ARHGEF28: variants seen among roughly 807,000 people sequenced by gnomAD.
ARHGEF28 encodes the protein 190 kDa guanine nucleotide exchange factor.
In ARHGEF28, 152 loss-of-function variants were observed where a neutral mutation model predicts 206.6. The observed-to-expected ratio is 0.74, with a 90% CI of 0.64 to 0.84. ARHGEF28 has a LOEUF of 0.84. Among genes scored for constraint, ARHGEF28 ranks in the 40% least tolerant of loss-of-function variants. The pLI, the probability that ARHGEF28 is intolerant of heterozygous loss-of-function variation, is 0.00. For missense variants in ARHGEF28, 2,028 were observed against 2,073.2 expected (o/e 0.98, Z 0.42); for synonymous variants, 763 against 776.4 (o/e 0.98, Z 0.29).
At position 73,920,573 on chromosome 5, in the gene ARHGEF28, G is replaced by A. The variant is rs1259813559; in HGVS notation, c.4948+8998G>A. ...TTTTTTTTTTTTTTTTTTTTGAGAC[G>A]GAGTCTCACTCTTTCGCCCAAGCTG... On this transcript the variant is annotated intron_variant, in intron 35 of 35. Coordinates refer to ENST00000513042, the MANE Select transcript of ARHGEF28 (RefSeq NM_001177693.2). Among the ~76,000 whole-genome samples, 59 of 115,298 alleles carry A rather than the reference G, an allele frequency of 5.1e-4. 1 individual carries two copies. In the East Asian group the frequency reaches 5.5e-3, roughly 11 times the overall value. 75.6% of individuals were successfully genotyped at this position (115,298 alleles called of 152,430 possible). A position where few individuals can be genotyped will look rare whatever the true frequency, so the allele number is the denominator to read the frequency against.
intron 1 of ARHGEF28, among the ~76,000 whole-genome samples, chr5:73,669,345 A>C (rs1746165022): frequency 6.6e-6 from 1 of 152,232 alleles, no homozygotes; most frequent in Admixed American, 6.5e-5. Context: ...CATACATTCT[A>C]GCATAATTTT....
At chr5:73,682,353 T>C (rs1269985697) in intron 1 of ARHGEF28, among the ~76,000 whole-genome samples, 1 of 152,134 alleles carries the variant, frequency 6.6e-6, no homozygotes, top group Non-Finnish European at 1.5e-5. Flanking sequence ...AATAGAACTT[T>C]TCATATTCAC....
intron 4 of ARHGEF28, among the ~76,000 whole-genome samples, chr5:73,753,750 G>T (rs954619833): frequency 6.6e-6 from 1 of 152,208 alleles, no homozygotes; most frequent in Non-Finnish European, 1.5e-5. Flanking sequence ...TGGAATCTGC[G>T]TGTGAACAAG....
rs1346624343 is a variant in ARHGEF28 at position 73,776,719 on chromosome 5, A to G, written c.840+23A>G. ...AAGGTTTGTACATAGTGATTCTAGCATGTGATAATGCATGCTTCAGAGAAT... is the reference window on the plus strand; with the variant it reads ...AAGGTTTGTACATAGTGATTCTAGCGTGTGATAATGCATGCTTCAGAGAAT... On this transcript the variant is annotated intron_variant, in intron 6 of 35. Coordinates refer to ENST00000513042, the MANE Select transcript of ARHGEF28 (RefSeq NM_001177693.2). 10 of 1,579,458 alleles carry G rather than the reference A, an allele frequency of 6.3e-6. No individual in the cohort carries two copies. The African/African-American group carries it at 6.7e-5, about 11-fold the overall frequency.
At chr5:73,811,956 C>T (rs1330753534) in intron 9 of ARHGEF28, among the ~76,000 whole-genome samples, 1 of 146,124 alleles carries the variant, frequency 6.8e-6, no homozygotes, top group Non-Finnish European at 1.5e-5. Context: ...GTACTCCAGC[C>T]TAGGCGACAG....
chr5:73,709,479 G>C (rs1440514268), intron 2 of ARHGEF28, among the ~76,000 whole-genome samples: 1 of 152,146 alleles, frequency 6.6e-6, no homozygotes, highest in African/African-American at 2.4e-5. Context: ...TGAACAAAGG[G>C]GGATGAATGC....
chr5:73,824,854 ACACT>A (rs2112545112), intron 9 of ARHGEF28, among the ~76,000 whole-genome samples: 1 of 152,230 alleles, frequency 6.6e-6, no homozygotes, highest in African/African-American at 2.4e-5. Context: ...TGATCAGTAG[ACACT>A]CAGTAAGTGT....
chr5:73,727,989 A>G (rs1750382763), intron 2 of ARHGEF28, among the ~76,000 whole-genome samples: 1 of 152,034 alleles, frequency 6.6e-6, no homozygotes, highest in African/African-American at 2.4e-5. Flanking sequence ...CGTCAATGCT[A>G]TTTATCTGGT....
rs1238252261 is a variant in ARHGEF28, at chr5:73,904,228, T to G, written c.4081T>G (p.Cys1361Gly). 3.1e-6 allele frequency: 5 copies of G among 1,613,854 alleles called. No homozygotes were observed. The highest frequency in any genetic ancestry group is 4.2e-6 in the Non-Finnish European group (5 of 1,179,744). Residue 1361 changes from cysteine to glycine, a missense_variant, in exon 32 of 36, where the codon TGT becomes GGT. Cys to Gly is a radical substitution (Grantham distance 159). This residue lies in a region of ARHGEF28 where 803 missense variants were observed against 768.0 expected (regional missense o/e 1.05). Transcript: ENST00000513042. ...TGTTTTTTATGTATTTTAGGTGGAA[T>G]GTAGAAATTTTCCAGGTTCTTCACA... The part of the protein sequence containing the change: ...AVSDAGEKVE[C>G]RNFPGSSQSE...
At chr5:73,877,135 C>A (rs1760560833) in intron 22 of ARHGEF28, among the ~76,000 whole-genome samples, 1 of 137,756 alleles carries the variant, frequency 7.3e-6, no homozygotes, top group African/African-American at 2.8e-5. Flanking sequence ...CAACTTCTTC[C>A]TGGTTTAGTC....
At position 73,864,832 on chromosome 5, in the gene ARHGEF28, T is replaced by C. The variant is rs1258471558; in HGVS notation, c.2063T>C (p.Val688Ala). Residue 688 changes from valine (V) to alanine (A), a missense_variant, in exon 17 of 36, where the codon GTG becomes GCG. By Grantham distance (64) the Val-to-Ala change is moderately conservative. Coordinates refer to ENST00000513042, the MANE Select transcript of ARHGEF28 (RefSeq NM_001177693.2). ...TTTATTTCAGACTGTAATGCAAATGTGCACAAAGGTTGTAAAGATGCTGCG... is the reference window on the plus strand; with the variant it reads ...TTTATTTCAGACTGTAATGCAAATGCGCACAAAGGTTGTAAAGATGCTGCG... ...SLQCSNCNAN[V>A]HKGCKDAAPA... 1.2e-6 allele frequency: 2 copies of C among 1,613,154 alleles called. No homozygotes were observed. Among genetic ancestry groups the C allele is most frequent in the South Asian group, 2.2e-5 (2 of 90,892 alleles).
At chr5:73,938,590 A>G (rs1443896422) in intron 35 of ARHGEF28, among the ~76,000 whole-genome samples, 2 of 152,196 alleles carry the variant, frequency 1.3e-5, no homozygotes, top group Non-Finnish European at 2.9e-5. Context: ...TGACCTGTTC[A>G]GTCTGCCAGT....
intron 10 of ARHGEF28, among the ~76,000 whole-genome samples, chr5:73,837,107 C>G (rs1202402297): frequency 6.6e-6 from 1 of 152,048 alleles, no homozygotes; most frequent in Non-Finnish European, 1.5e-5. Context: ...ATGCTTCTGA[C>G]TTTGTTCTTC....
chr5:73,926,942 C>G lies in ARHGEF28; in HGVS notation c.4949-13902C>G, dbSNP rs536250285. 2.6e-5 allele frequency among the ~76,000 whole-genome samples: 4 copies of G among 152,296 alleles called. No homozygotes were observed. The East Asian group carries it at 7.7e-4, about 29-fold the overall frequency. ...GTAGCTGATGCTAGTCTTCATGATC[C>G]TTGCTCTTGATGGCCGATTCCATTA... On this transcript the variant is annotated intron_variant, in intron 35 of 35. Coordinates refer to ENST00000513042, the MANE Select transcript of ARHGEF28 (RefSeq NM_001177693.2).
chr5:73,775,775 A>G (rs959994325), intron 5 of ARHGEF28, among the ~76,000 whole-genome samples: 8 of 152,192 alleles, frequency 5.3e-5, no homozygotes, highest in African/African-American at 1.9e-4. Context: ...ACAGGACCTT[A>G]TAAGCCATCC....
intron 7 of ARHGEF28, among the ~76,000 whole-genome samples, chr5:73,782,439 AAAAAC>A (rs371224843): frequency 2.7e-4 from 41 of 152,248 alleles, no homozygotes; most frequent in South Asian, 8.3e-4. Context: ...CTCCATCTCA[AAAAAC>A]AAAACAAAAC....
In ARHGEF28 at chr5:73,941,218, A is replaced by G. The variant is rs1469639513; in HGVS notation, c.*205A>G. ...GTTTGTATAATCTTTAACTTATCAA[A>G]TCTAATTTCAGATTTCTGGAGGAGA... On this transcript the variant is annotated 3_prime_UTR_variant, in exon 36 of 36. Transcript: ENST00000513042. 1 of 308,428 alleles carries G rather than the reference A, an allele frequency of 3.2e-6. No individual in the cohort carries two copies. 19.1% of individuals were successfully genotyped at this position (308,428 alleles called of 1,614,324 possible). A position where few individuals can be genotyped will look rare whatever the true frequency, so the allele number is the denominator to read the frequency against.
intron 9 of ARHGEF28, among the ~76,000 whole-genome samples, chr5:73,822,324 T>TTA (rs988831746): frequency 6.6e-5 from 10 of 151,986 alleles, no homozygotes; most frequent in Admixed American, 6.5e-4. Context: ...CCCAGGAAGG[T>TTA]TAGGTAAGTT....
chr5:73,656,611 C>T (rs1305572150), intron 1 of ARHGEF28, among the ~76,000 whole-genome samples: 2 of 152,180 alleles, frequency 1.3e-5, no homozygotes, highest in Non-Finnish European at 2.9e-5. Flanking sequence ...CATCTAAGCA[C>T]ATCCTCCTGC....
Sources: allele counts gnomAD v4.1 joint callset (sites outside exome capture counted in the v4.1 genomes callset), GRCh38; gene constraint gnomAD v4.1.1; regional missense constraint gnomAD v4.1.1; transcripts MANE v1.5; gene names NCBI Gene and HGNC (gene_info 2026-07-23, HGNC 2026-07-21).